Variants in C14orf93 observed in about 807,000 individuals in gnomAD.
C14orf93 encodes uncharacterized protein C14orf93.
A neutral mutation model predicts 44.0 loss-of-function variants in C14orf93; 23 were observed. The observed-to-expected ratio is 0.52, with a 90% CI of 0.38 to 0.74. The LOEUF (loss-of-function observed/expected upper bound fraction) is 0.74, where lower values mean the gene tolerates loss of function less well. Ranked by LOEUF, C14orf93 falls within the 30% of genes least tolerant of loss-of-function variation. C14orf93 has a pLI of 0.00. For synonymous variants in C14orf93, 253 were observed against 265.7 expected, an observed-to-expected ratio of 0.95 and a Z score of 0.46; for missense variants, 579 against 678.9, an observed-to-expected ratio of 0.85 and a Z score of 1.64.
chr14:22,992,535 T>C (rs1307426974), intron 3 of C14orf93, among the ~76,000 whole-genome samples: 8 of 151,430 alleles, frequency 5.3e-5, no homozygotes, highest in Non-Finnish European at 1.2e-4. Flanking sequence ...GTTTTGCCCA[T>C]AATAGCACCT....
rs2045941709 is a variant in C14orf93, at chr14:22,995,864, G to T, written c.918+84C>A. ...ATTCAGTACAGCATTCATTCAATAT[G>T]GGAGGCCTAAAATCAACCCACCCAT... On this transcript the variant is annotated intron_variant, in intron 3 of 6. Transcript: ENST00000299088. 2.3e-6 allele frequency: 3 copies of T among 1,302,880 alleles called. No homozygotes were observed. In the East Asian group the frequency reaches 7.1e-5, roughly 31 times the overall value. The allele number at this position is 1,302,880 out of a possible 1,614,324, so 80.7% of individuals were successfully genotyped here. A position where few individuals can be genotyped will look rare whatever the true frequency, so the allele number is the denominator to read the frequency against.
rs966620383 is a variant in C14orf93 at position 22,988,076 on chromosome 14, C to T, written c.1085-61G>A. 24 of 1,166,704 alleles carry T rather than the reference C, an allele frequency of 2.1e-5. 1 individual carries two copies. The highest frequency in any genetic ancestry group is 5.5e-4 in the Middle Eastern group (2 of 3,618). 72.3% of individuals were successfully genotyped at this position (1,166,704 alleles called of 1,614,324 possible). A position where few individuals can be genotyped will look rare whatever the true frequency, so the allele number is the denominator to read the frequency against. On this transcript the variant is annotated intron_variant, in intron 5 of 6. Transcript: ENST00000299088. Reference sequence around the variant, plus strand: ...GTCCTCTGAGTAGTGGTCCCCAGCCCGTTTTTCTGCCCTAACACTATTGAA... The same window carrying T: ...GTCCTCTGAGTAGTGGTCCCCAGCCTGTTTTTCTGCCCTAACACTATTGAA...
rs2045473602 is a variant in C14orf93, at chr14:22,989,701, G to C, written c.1084+41C>G. The C allele has an allele frequency of 5.8e-5, 77 of 1,316,610 alleles. No individual in the cohort carries two copies. In the South Asian group the frequency reaches 9.1e-4, roughly 16 times the overall value. 81.6% of individuals were successfully genotyped at this position (1,316,610 alleles called of 1,614,324 possible). On this transcript the variant is annotated intron_variant, in intron 5 of 6. Transcript: ENST00000299088. ...CAAGAAAGAGGAGTGGGAGGAGAGG[G>C]GGAGAAAGGATGGCATAGGAGTTAA...
chr14:23,003,802 GA>G (rs1772654541), intron 1 of C14orf93, among the ~76,000 whole-genome samples: 1 of 117,650 alleles, frequency 8.5e-6, no homozygotes, highest in Non-Finnish European at 1.7e-5. Flanking sequence ...CTCCGGCTCA[GA>G]AAAAAAGAAG....
chr14:23,002,010 G>T (rs1222346705), intron 1 of C14orf93, among the ~76,000 whole-genome samples: 34 of 151,878 alleles, frequency 2.2e-4, no homozygotes, highest in Admixed American at 1.9e-3. Flanking sequence ...TTAGCCGGGC[G>T]TGGTGGCGGG....
At position 22,999,136 on chromosome 14, in the gene C14orf93, C is replaced by T. The variant is rs970525667; in HGVS notation, c.-113G>A. The stretch of plus-strand genomic sequence containing the variant: ...TCTCAATGAGGATGGTCAGAGGAGC[C>T]CAGGCCCCAAGCTGTAGGGTCTGTG... On this transcript the variant is annotated 5_prime_UTR_variant, in exon 2 of 7. It introduces an in-frame stop codon into an upstream open reading frame of the 5' UTR. Transcript: ENST00000299088. 6.8e-7 allele frequency: 1 copy of T among 1,475,050 alleles called. No individual in the cohort carries two copies. Among genetic ancestry groups the T allele is most frequent in the African/African-American group, 1.4e-5 (1 of 71,134 alleles). The allele number at this position is 1,475,050 out of a possible 1,614,324, so 91.4% of individuals were successfully genotyped here.
intron 1 of C14orf93, among the ~76,000 whole-genome samples, chr14:23,004,008 C>T (rs1351539616): frequency 7.4e-6 from 1 of 134,400 alleles, no homozygotes; most frequent in Non-Finnish European, 1.6e-5. Context: ...CTCCCAGGTT[C>T]AAGCAATTCT....
intron 1 of C14orf93, among the ~76,000 whole-genome samples, chr14:23,008,511 CAGT>C (rs773741861): frequency 3.3e-5 from 5 of 152,024 alleles, no homozygotes; most frequent in African/African-American, 4.8e-5. Context: ...TTAAATTCTA[CAGT>C]AGATTTTTTT....
At chr14:23,001,451 C>A (rs2046290738) in intron 1 of C14orf93, among the ~76,000 whole-genome samples, 1 of 152,120 alleles carries the variant, frequency 6.6e-6, no homozygotes, top group African/African-American at 2.4e-5. Context: ...CAAGCTCTTC[C>A]CCTCTCTTTT....
In C14orf93 at chr14:22,989,846, C is replaced by T. The variant is rs893813861; in HGVS notation, c.981-1G>A. On this transcript the variant is annotated splice_acceptor_variant, in intron 4 of 6. Coordinates refer to ENST00000299088, the MANE Select transcript of C14orf93 (RefSeq NM_021944.4). LOFTEE classifies it high-confidence loss of function. ...TGAAATATTCCAAGAGGACTTGATG[C>T]TGCCACAAAGAGAAGAGAATGAATA... is the stretch of plus-strand genomic sequence containing the variant. 4.3e-6 allele frequency: 7 copies of T among 1,612,132 alleles called. No homozygotes were observed. The highest frequency in any genetic ancestry group is 1.7e-5 in the Admixed American group (1 of 60,028).
At position 22,987,588 on chromosome 14, in the gene C14orf93, T is replaced by C. The variant is rs1465362084; in HGVS notation, c.1244A>G (p.Asp415Gly). 4 of 1,611,798 alleles carry C rather than the reference T, an allele frequency of 2.5e-6. No individual in the cohort carries two copies. The highest frequency in any genetic ancestry group is 2.5e-6 in the Non-Finnish European group (3 of 1,178,736). Reference sequence around the variant, plus strand: ...TGTCACATCATTCCACAGACGTTGGTCCTCAGGTCCAAAATGCCTCATGAT... The same window carrying C: ...TGTCACATCATTCCACAGACGTTGGCCCTCAGGTCCAAAATGCCTCATGAT... Reference protein sequence around the residue: ...SSIMRHFGPEDQRLWNDVTEE... With the variant: ...SSIMRHFGPEGQRLWNDVTEE... Residue 415 changes from aspartate (D) to glycine (G), a missense_variant, in exon 7 of 7, where the codon GAC becomes GGC. Physicochemically the swap from Asp to Gly is moderately conservative, Grantham distance 94. Transcript: ENST00000299088. This position sits in a 1 kb window ranked among gnomAD's most constrained non-coding sequence, Gnocchi z 5.6.
rs1398866510 is a variant in C14orf93, at chr14:22,986,775, T to A, written c.*440A>T. ...AGGTGGCGGTATTAACCTGCACTGG[T>A]CATGTTCGGTTTCCACTGCAGAGCA... On this transcript the variant is annotated 3_prime_UTR_variant, in exon 7 of 7. Coordinates refer to ENST00000299088, the MANE Select transcript of C14orf93 (RefSeq NM_021944.4). The A allele has an allele frequency of 1.0e-5, 2 of 191,654 alleles. No individual in the cohort carries two copies. Among genetic ancestry groups the A allele is most frequent in the Non-Finnish European group, 2.2e-5 (2 of 91,000 alleles). The allele number at this position is 191,654 out of a possible 1,614,324, so 11.9% of individuals were successfully genotyped here. A position where few individuals can be genotyped will look rare whatever the true frequency, so the allele number is the denominator to read the frequency against.
At position 22,996,411 on chromosome 14, in the gene C14orf93, T is replaced by A. The variant is rs776173548; in HGVS notation, c.598-143A>T. Reference sequence around the variant, plus strand: ...AGTCTTTAATGGTCAATGGCTTGTTTCTCTGGGACTCCTATGAGTGTTGGG... The same window carrying A: ...AGTCTTTAATGGTCAATGGCTTGTTACTCTGGGACTCCTATGAGTGTTGGG... On this transcript the variant is annotated intron_variant, in intron 2 of 6. Transcript: ENST00000299088. The surrounding 1 kb of genome is among the most constrained non-coding windows in gnomAD (Gnocchi z 4.1). 2.4e-6 allele frequency: 2 copies of A among 818,158 alleles called. No individual in the cohort carries two copies. Among genetic ancestry groups the A allele is most frequent in the Non-Finnish European group, 3.7e-6 (2 of 546,866 alleles). 50.7% of individuals were successfully genotyped at this position (818,158 alleles called of 1,614,324 possible).
intron 1 of C14orf93, chr14:23,002,614 A>G (rs1420675544): frequency 6.6e-6 from 1 of 152,236 alleles, no homozygotes; most frequent in Non-Finnish European, 1.5e-5. Flanking sequence ...AGGCACCTAT[A>G]GAGTGCTGGC....
At chr14:23,007,099 A>T (rs1182019180) in intron 1 of C14orf93, 1 of 152,222 alleles carries the variant, frequency 6.6e-6, no homozygotes, top group African/African-American at 2.4e-5. Context: ...GCAGAGGCGG[A>T]GGCGGGCGCG....
Position 22,999,074 on chromosome 14 carries a change from G to C in C14orf93, c.-51C>G, listed in dbSNP as rs764732277. The C allele has an allele frequency of 6.5e-7, 1 of 1,540,124 alleles. No individual in the cohort carries two copies. Among genetic ancestry groups the C allele is most frequent in the Admixed American group, 1.9e-5 (1 of 53,886 alleles). ...CTTACACTGCTGGGCCGCTCCAACA[G>C]GTAGGAAGCATCAACTTCTCTGGAC... On this transcript the variant is annotated 5_prime_UTR_variant, in exon 2 of 7. Coordinates refer to ENST00000299088, the MANE Select transcript of C14orf93 (RefSeq NM_021944.4).
rs1414228985 is a variant in C14orf93 at position 22,996,533 on chromosome 14, G to A, written c.598-265C>T. Reference sequence around the variant, plus strand: ...ATGTTTCTGACACTGTTGGTGAATAGTCATTTATGGATAGCTCTTGGATAT... The same window carrying A: ...ATGTTTCTGACACTGTTGGTGAATAATCATTTATGGATAGCTCTTGGATAT... On this transcript the variant is annotated intron_variant, in intron 2 of 6. Coordinates refer to ENST00000299088, the MANE Select transcript of C14orf93 (RefSeq NM_021944.4). This position sits in a 1 kb window ranked among gnomAD's most constrained non-coding sequence, Gnocchi z 4.1. Among the ~76,000 whole-genome samples, 2 of 152,216 alleles carry A rather than the reference G, an allele frequency of 1.3e-5. No homozygotes were observed. The highest frequency in any genetic ancestry group is 2.4e-5 in the African/African-American group (1 of 41,456).
intron 3 of C14orf93, among the ~76,000 whole-genome samples, chr14:22,992,038 A>C (rs983079914): frequency 3.3e-5 from 5 of 152,262 alleles, no homozygotes; most frequent in African/African-American, 1.2e-4. Flanking sequence ...AAGACCGTGG[A>C]GGCTATATTA....
rs1283100617 is a variant in C14orf93, at chr14:22,986,624, A to G, written c.*591T>C. ...ATTTCCTCATCTGTAAGATAGGAATAGTAAAATTTTCCTCATGTAATTCAA... is the reference window on the plus strand; with the variant it reads ...ATTTCCTCATCTGTAAGATAGGAATGGTAAAATTTTCCTCATGTAATTCAA... On this transcript the variant is annotated 3_prime_UTR_variant, in exon 7 of 7. Coordinates refer to ENST00000299088, the MANE Select transcript of C14orf93 (RefSeq NM_021944.4). 17 of 153,868 alleles carry G rather than the reference A, an allele frequency of 1.1e-4. No homozygotes were observed. The highest frequency in any genetic ancestry group is 1.1e-3 in the Admixed American group (17 of 15,652). 9.5% of individuals were successfully genotyped at this position (153,868 alleles called of 1,614,324 possible).
Sources: gnomAD v4.1 joint callset for allele counts (sites outside exome capture counted in the v4.1 genomes callset) on GRCh38, gnomAD v4.1.1 for gene constraint, Gnocchi (gnomAD v3.1) non-coding constraint, MANE v1.5 for transcripts, NCBI Gene and HGNC (gene_info 2026-07-23, HGNC 2026-07-21) for gene names.